GPC3: variants seen among roughly 807,000 people sequenced by gnomAD.
The protein encoded by GPC3 is glypican-3.
A neutral mutation model predicts 34.4 loss-of-function variants in GPC3; 3 were observed. The ratio of observed to expected loss-of-function variants is 0.09; its 90% CI spans 0.04 to 0.23. The LOEUF (loss-of-function observed/expected upper bound fraction) is 0.23. GPC3 is among the 10% of genes least tolerant of loss of function. The pLI, the probability that GPC3 is intolerant of heterozygous loss-of-function variation, is 1.00. For missense variants in GPC3, 351 were observed against 445.6 expected (o/e 0.79, Z 1.91); for synonymous variants, 177 against 174.0 (o/e 1.02, Z -0.13).
intron 3 of GPC3, among the ~76,000 whole-genome samples, chrX:133,730,518 A>G (rs912938956): frequency 8.9e-6 from 1 of 112,055 alleles, no homozygotes; most frequent in African/African-American, 3.2e-5. Flanking sequence ...TTCATCATAA[A>G]CAATTTCTCA....
At chrX:133,815,619 G>A (rs1252033359) in intron 2 of GPC3, among the ~76,000 whole-genome samples, 1 of 112,216 alleles carries the variant, frequency 8.9e-6, no homozygotes, top group Non-Finnish European at 1.9e-5. Flanking sequence ...TTGAACTCCT[G>A]CCAATTTTTC....
intron 2 of GPC3, among the ~76,000 whole-genome samples, chrX:133,839,335 G>A (rs758422196): frequency 8.9e-6 from 1 of 111,834 alleles, no homozygotes; most frequent in Non-Finnish European, 1.9e-5. Flanking sequence ...TATCAGGGGG[G>A]TCTGGGAATC....
chrX:133,585,474 C>T (rs1034396820), intron 7 of GPC3, among the ~76,000 whole-genome samples: 2 of 111,025 alleles, frequency 1.8e-5, no homozygotes, highest in Non-Finnish European at 3.8e-5. Flanking sequence ...ATTTGAACCC[C>T]CTAGGAGATC....
chrX:133,583,204 T>C (rs766150123), intron 7 of GPC3, among the ~76,000 whole-genome samples: 24 of 110,988 alleles, frequency 2.2e-4, no homozygotes, highest in Non-Finnish European at 1.3e-4. Context: ...TGCTCCACCA[T>C]ATTGATTCTC....
intron 6 of GPC3, among the ~76,000 whole-genome samples, chrX:133,637,630 T>C (rs1419514930): frequency 9.0e-6 from 1 of 110,829 alleles, no homozygotes; most frequent in Non-Finnish European, 1.9e-5. Flanking sequence ...TTCTCTTTTG[T>C]ATTATTTATT....
chrX:133,799,040 T>G (rs1186153644), intron 2 of GPC3, among the ~76,000 whole-genome samples: 1 of 111,841 alleles, frequency 8.9e-6, no homozygotes, highest in Non-Finnish European at 1.9e-5. Flanking sequence ...GGCAGAACAT[T>G]AAACCAAGCA....
intron 7 of GPC3, among the ~76,000 whole-genome samples, chrX:133,586,811 A>T (rs141831103): frequency 0.015 from 1,713 of 111,050 alleles, 17 homozygotes; most frequent in Non-Finnish European, 0.021. Context: ...TTTTTCAGAG[A>T]TTCCTTCTTT....
chrX:133,785,975 A>G (rs2072096828), intron 2 of GPC3, among the ~76,000 whole-genome samples: 1 of 112,603 alleles, frequency 8.9e-6, no homozygotes, highest in Non-Finnish European at 1.9e-5. Context: ...ATAGATCAAT[A>G]AGACCTTTCT....
At chrX:133,922,303 G>A (rs944309493) in intron 2 of GPC3, among the ~76,000 whole-genome samples, 3 of 112,152 alleles carry the variant, frequency 2.7e-5, no homozygotes, top group African/African-American at 9.7e-5. Flanking sequence ...AAATGGCACT[G>A]TGGAAGACCT....
intron 7 of GPC3, among the ~76,000 whole-genome samples, chrX:133,559,433 G>A (rs921315611): frequency 9.0e-6 from 1 of 111,458 alleles, no homozygotes; most frequent in African/African-American, 3.3e-5. Context: ...CGGAGTTGAG[G>A]AAAACTCAGG....
chrX:133,826,181 A>G (rs1048012245), intron 2 of GPC3, among the ~76,000 whole-genome samples: 11 of 111,934 alleles, frequency 9.8e-5, no homozygotes, highest in Non-Finnish European at 1.9e-4. Flanking sequence ...AAAGTAATCA[A>G]TAGAAACTGT....
At chrX:133,574,670 G>A (rs768574829) in intron 7 of GPC3, among the ~76,000 whole-genome samples, 1 of 111,988 alleles carries the variant, frequency 8.9e-6, no homozygotes, top group East Asian at 2.8e-4. Context: ...ATTATGTCTG[G>A]GCCTAAGGAG....
intron 3 of GPC3, among the ~76,000 whole-genome samples, chrX:133,722,281 T>A (rs990028958): frequency 1.8e-5 from 2 of 111,487 alleles, no homozygotes; most frequent in African/African-American, 3.3e-5. Flanking sequence ...TGGGAATGCA[T>A]GGGAATGGCA....
chrX:133,652,976 T>C (rs2070617807), intron 6 of GPC3, among the ~76,000 whole-genome samples: 1 of 112,233 alleles, frequency 8.9e-6, no homozygotes, highest in Non-Finnish European at 1.9e-5. Context: ...TTCAATAATG[T>C]TACCACCAAG....
At chrX:133,547,113 T>C (rs2069393451) in intron 7 of GPC3, among the ~76,000 whole-genome samples, 1 of 110,608 alleles carries the variant, frequency 9.0e-6, no homozygotes, top group South Asian at 3.9e-4. Flanking sequence ...ATGTGGGAGC[T>C]AAAAAATAGA....
chrX:133,905,890 C>A (rs183156809), intron 2 of GPC3, among the ~76,000 whole-genome samples: 1 of 111,738 alleles, frequency 8.9e-6, no homozygotes, highest in African/African-American at 3.2e-5. Context: ...TAAATTCATC[C>A]TCTTAATAGT....
chrX:133,678,034 C>T (rs1164850913), intron 5 of GPC3, among the ~76,000 whole-genome samples: 3 of 110,948 alleles, frequency 2.7e-5, no homozygotes, highest in Non-Finnish European at 5.7e-5. Context: ...ACAGGCAGGA[C>T]AGTACTGTGG....
intron 3 of GPC3, among the ~76,000 whole-genome samples, chrX:133,743,509 G>T (rs1197928098): frequency 8.9e-6 from 1 of 112,476 alleles, no homozygotes. Context: ...GTGAGCCAAG[G>T]TTACTTGTGG....
chrX:133,753,594 AC>A lies in GPC3; in HGVS notation c.919del (p.Val307Ter). The A allele has an allele frequency of 8.3e-7, 1 of 1,208,656 alleles. No homozygotes were observed. Among genetic ancestry groups the A allele is most frequent in the Non-Finnish European group, 1.1e-6 (1 of 892,522 alleles). On this transcript the variant is annotated frameshift_variant, in exon 3 of 8. Coordinates refer to ENST00000370818, the MANE Select transcript of GPC3 (RefSeq NM_004484.4). LOFTEE classifies it high-confidence loss of function. Reference sequence around the variant, plus strand: ...GTCATAGATTCTGTACATGCCATTCACAAGTTCTTCAAGGGACAGAATGTAT... The same window carrying A: ...GTCATAGATTCTGTACATGCCATTCAAAGTTCTTCAAGGGACAGAATGTAT... ...REYILSLEEL[V>X]NGMYRIYDME... is the part of the protein sequence containing the mutation.
Sources: gnomAD v4.1 joint callset for allele counts (sites outside exome capture counted in the v4.1 genomes callset) on GRCh38, gnomAD v4.1.1 for gene constraint, MANE v1.5 for transcripts, NCBI Gene and HGNC (gene_info 2026-07-23, HGNC 2026-07-21) for gene names.